The following CNGA3 variants were observed in gnomAD, a reference collection of about 807,000 sequenced individuals.
CNGA3 encodes the protein cyclic nucleotide-gated channel alpha-3.
A neutral mutation model predicts 46.6 loss-of-function variants in CNGA3; 42 were observed. The observed-to-expected ratio is 0.90, with a 90% CI of 0.70 to 1.17. CNGA3 has a LOEUF of 1.17. Among genes scored for constraint, CNGA3 ranks in the 50% most tolerant of loss-of-function variants. The pLI, the probability that CNGA3 is intolerant of heterozygous loss-of-function variation, is 0.00. For missense variants in CNGA3, 893 were observed against 890.7 expected, an observed-to-expected ratio of 1.00 and a Z score of -0.03; for synonymous variants, 394 against 369.4, an observed-to-expected ratio of 1.07 and a Z score of -0.76.
rs774720490 is a variant in CNGA3, at chr2:98,389,682, G to A, written c.474G>A (p.Ala158=). ...GGAAGAAGACGAAAAAGAAGGATGC[G>A]ATCGTGGTGGACCCGTCCAGCAACC... The part of the protein sequence containing the change: ...EEEKKTKKKD[A]IVVDPSSNLY... Residue 158 remains alanine (A), a synonymous_variant, in exon 6 of 8, where the codon GCG becomes GCA. Coordinates refer to ENST00000272602, the MANE Select transcript of CNGA3 (RefSeq NM_001298.3). 3.7e-6 allele frequency: 6 copies of A among 1,613,796 alleles called. No individual in the cohort carries two copies. Among genetic ancestry groups the A allele is most frequent in the East Asian group, 2.2e-5 (1 of 44,888 alleles).
At position 98,389,693 on chromosome 2, in the gene CNGA3, A is replaced by T. The variant is rs747447519; in HGVS notation, c.485A>T (p.Asp162Val). 3.9e-5 allele frequency: 63 copies of T among 1,613,682 alleles called. 1 individual carries two copies. The South Asian group carries it at 5.9e-4, about 15-fold the overall frequency. The part of the protein sequence containing the change: ...KTKKKDAIVV[D>V]PSSNLYYRWL... ...AAAAAGAAGGATGCGATCGTGGTGG[A>T]CCCGTCCAGCAACCTGTACTACCGC... The change falls in exon 6 of 8, where the codon GAC becomes GTC. Residue 162 changes from aspartate to valine, a missense_variant. Coordinates refer to ENST00000272602, the MANE Select transcript of CNGA3 (RefSeq NM_001298.3).
chr2:98,363,473 T>C (rs906699494), intron 1 of CNGA3, among the ~76,000 whole-genome samples: 4 of 152,200 alleles, frequency 2.6e-5, no homozygotes, highest in African/African-American at 9.7e-5. Context: ...ATAGGAATGC[T>C]TGTGACTTTT....
Position 98,377,757 on chromosome 2 carries a change from G to A in CNGA3, c.172G>A (p.Ala58Thr), listed in dbSNP as rs1558811653. The change falls in exon 3 of 8, where the codon GCT (alanine) becomes ACT (threonine). Residue 58 changes from alanine (A) to threonine (T), a missense_variant. By Grantham distance (58) the Ala-to-Thr change is moderately conservative. Around this residue, in one of 3 missense-constraint regions of CNGA3, gnomAD observed 333 missense variants for 290.8 expected, o/e 1.15. Coordinates refer to ENST00000272602, the MANE Select transcript of CNGA3 (RefSeq NM_001298.3). Reference protein sequence around the residue: ...PGIAMETRGLADSGQGSFTGQ... With the variant: ...PGIAMETRGLTDSGQGSFTGQ... ...GATCGCCATGGAGACCAGAGGACTGGCTGACTCCGGGCAGGGCTCCTTCAC... is the reference window on the plus strand; with the variant it reads ...GATCGCCATGGAGACCAGAGGACTGACTGACTCCGGGCAGGGCTCCTTCAC... The A allele has an allele frequency of 1.9e-6, 3 of 1,612,776 alleles. No individual in the cohort carries two copies. The highest frequency in any genetic ancestry group is 2.5e-6 in the Non-Finnish European group (3 of 1,179,962).
At chr2:98,390,394 C>T (rs1692757992) in intron 6 of CNGA3, among the ~76,000 whole-genome samples, 1 of 152,002 alleles carries the variant, frequency 6.6e-6, no homozygotes, top group Non-Finnish European at 1.5e-5. Flanking sequence ...AATGATCTGC[C>T]CACCTTGGCC....
intron 1 of CNGA3, among the ~76,000 whole-genome samples, chr2:98,367,518 A>T (rs1461409674): frequency 6.6e-6 from 1 of 152,054 alleles, no homozygotes; most frequent in East Asian, 1.9e-4. Flanking sequence ...CTAGTCAGCC[A>T]TCTTGGTCCC....
At chr2:98,385,106 G>A (rs749869690) in intron 5 of CNGA3, among the ~76,000 whole-genome samples, 57 of 152,184 alleles carry the variant, frequency 3.7e-4, no homozygotes, top group Non-Finnish European at 6.0e-4. Flanking sequence ...GGATGCAGCC[G>A]ATGGTGCTGG....
intron 5 of CNGA3, among the ~76,000 whole-genome samples, chr2:98,384,463 G>A (rs1574381573): frequency 1.3e-5 from 2 of 152,174 alleles, no homozygotes; most frequent in East Asian, 3.9e-4. Flanking sequence ...TGTGCCAAGG[G>A]TTTTTCTTGT....
At chr2:98,378,247 G>C (rs1470449424) in intron 3 of CNGA3, 1 of 1,537,302 alleles carries the variant, frequency 6.5e-7, no homozygotes, top group Non-Finnish European at 8.8e-7. Context: ...AAAAGCATTT[G>C]TTTGCAAGAT....
At chr2:98,394,030 C>T (rs1347953089) in intron 7 of CNGA3, among the ~76,000 whole-genome samples, 2 of 151,042 alleles carry the variant, frequency 1.3e-5, no homozygotes, top group Admixed American at 6.6e-5. Context: ...GGCCTGGACC[C>T]GCAGCCCTAG....
intron 1 of CNGA3, among the ~76,000 whole-genome samples, chr2:98,348,319 G>A (rs1211425890): frequency 2.0e-5 from 3 of 152,214 alleles, no homozygotes; most frequent in Non-Finnish European, 2.9e-5. Context: ...GACTACGTGT[G>A]CACTTGCCTT....
chr2:98,381,493 C>T (rs909296201), intron 4 of CNGA3, among the ~76,000 whole-genome samples: 2 of 152,126 alleles, frequency 1.3e-5, no homozygotes, highest in Admixed American at 6.5e-5. Context: ...CTTTCGGGAA[C>T]GTCCATTTTC....
chr2:98,385,940 G>A (rs1464663083), intron 5 of CNGA3, among the ~76,000 whole-genome samples: 1 of 152,154 alleles, frequency 6.6e-6, no homozygotes, highest in Non-Finnish European at 1.5e-5. Context: ...AGGAATTGGT[G>A]CCAAACCATG....
chr2:98,388,113 A>G (rs934341398), intron 5 of CNGA3, among the ~76,000 whole-genome samples: 2 of 152,096 alleles, frequency 1.3e-5, no homozygotes, highest in Non-Finnish European at 1.5e-5. Flanking sequence ...TTTCATCCCA[A>G]TGCGCTGGAA....
At chr2:98,391,803 T>TG in intron 6 of CNGA3, 61 bp from the exon 7 acceptor site, 1 of 1,519,412 alleles carries the variant, frequency 6.6e-7, no homozygotes, top group Non-Finnish European at 9.1e-7. Flanking sequence ...TGCCCACAGG[T>TG]GGGTGGTCCA....
At chr2:98,362,597 A>G (rs1440262240) in intron 1 of CNGA3, among the ~76,000 whole-genome samples, 1 of 151,908 alleles carries the variant, frequency 6.6e-6, no homozygotes, top group African/African-American at 2.4e-5. Context: ...CCCATTCTGT[A>G]GGTTGTCTGT....
At chr2:98,369,634 T>C (rs531879496) in intron 1 of CNGA3, among the ~76,000 whole-genome samples, 135 of 152,340 alleles carry the variant, frequency 8.9e-4, no homozygotes, top group African/African-American at 3.0e-3. Flanking sequence ...TCACCTTCCT[T>C]ATATCACATA....
At chr2:98,378,066 G>GAATTCAGAAAAAAAGCC in intron 3 of CNGA3, 1 of 1,550,686 alleles carries the variant, frequency 6.4e-7, no homozygotes, top group South Asian at 1.2e-5. Context: ...AGGTTTGGAA[G>GAATTCAGAAAAAAAGCC]AATTCAGAAA....
chr2:98,354,671 G>A (rs1691840211), intron 1 of CNGA3, among the ~76,000 whole-genome samples: 1 of 152,182 alleles, frequency 6.6e-6, no homozygotes, highest in African/African-American at 2.4e-5. Flanking sequence ...TGTGGTCCCA[G>A]CTACTTAGGA....
At position 98,396,465 on chromosome 2, in the gene CNGA3, A is replaced by G. The variant is rs1357820945; in HGVS notation, c.1295A>G (p.Asp432Gly). The G allele has an allele frequency of 1.2e-6, 2 of 1,613,930 alleles. No homozygotes were observed. The highest frequency in any genetic ancestry group is 2.7e-5 in the African/African-American group (2 of 74,988). The change falls in exon 8 of 8, where the codon GAC becomes GGC. Residue 432 changes from aspartate to glycine, a missense_variant. Asp to Gly is a moderately conservative substitution (Grantham distance 94, BLOSUM62 -1). Coordinates refer to ENST00000272602, the MANE Select transcript of CNGA3 (RefSeq NM_001298.3). The part of the protein sequence containing the change: ...QYMQFRKVTK[D>G]LETRVIRWFD... ...ATGCAGTTCCGCAAGGTCACCAAGG[A>G]CTTGGAGACGCGGGTTATCCGGTGG...
Sources: allele counts gnomAD v4.1 joint callset (sites outside exome capture counted in the v4.1 genomes callset), GRCh38; gene constraint gnomAD v4.1.1; regional missense constraint gnomAD v4.1.1; transcripts MANE v1.5; gene names NCBI Gene and HGNC (gene_info 2026-07-23, HGNC 2026-07-21).